RHNO1: variants seen among roughly 807,000 people sequenced by gnomAD.
RHNO1 encodes the protein RAD9-HUS1-RAD1 interacting nuclear orphan 1, also known as RAD9, HUS1, RAD1-interacting nuclear orphan protein 1.
In RHNO1, 9 loss-of-function variants were observed where a neutral mutation model predicts 7.2. The ratio of observed to expected loss-of-function variants is 1.25; its 90% CI spans 0.75 to 2.18. RHNO1 has a LOEUF of 2.18. Among genes scored for constraint, RHNO1 ranks in the 30% most tolerant of loss-of-function variants. The probability of loss-of-function intolerance (pLI) is 0.00; values close to 1 mark genes in which losing one functional copy is unlikely to be tolerated. For synonymous variants in RHNO1, 95 were observed against 107.5 expected, an observed-to-expected ratio of 0.88 and a Z score of 0.72; for missense variants, 292 against 284.5, an observed-to-expected ratio of 1.03 and a Z score of -0.19.
chr12:2,881,923 A>G (rs1441808249), intron 1 of RHNO1, among the ~76,000 whole-genome samples: 2 of 151,748 alleles, frequency 1.3e-5, no homozygotes, highest in East Asian at 1.9e-4. Flanking sequence ...AAAAGAAAGA[A>G]AAAAAGAGAA....
chr12:2,886,489 A>G (rs1183228667), intron 2 of RHNO1, among the ~76,000 whole-genome samples: 1 of 151,936 alleles, frequency 6.6e-6, no homozygotes, highest in African/African-American at 2.4e-5. Context: ...CATCTTTACT[A>G]AAAATATTAA....
intron 1 of RHNO1, among the ~76,000 whole-genome samples, chr12:2,880,374 T>G (rs2098155866): frequency 6.6e-6 from 1 of 151,728 alleles, no homozygotes; most frequent in African/African-American, 2.4e-5. Context: ...CCCAGCACTT[T>G]GGGAGGCCGA....
rs147840657 is a variant in RHNO1 at position 2,888,202 on chromosome 12, C to G, written c.460C>G (p.Pro154Ala). ...TCAGAGCTTACCTTATGTGTTCATT[C>G]CACCTGATATCCAGACCCCAGAGTC... is the stretch of plus-strand genomic sequence containing the variant. Reference protein sequence around the residue: ...ALQSLPYVFIPPDIQTPESSS... With the variant: ...ALQSLPYVFIAPDIQTPESSS... Residue 154 changes from proline (P) to alanine (A), a missense_variant, in exon 3 of 3, where the codon CCA (proline) becomes GCA (alanine). Physicochemically the swap from Pro to Ala is conservative, Grantham distance 27. Coordinates refer to ENST00000489288, the MANE Select transcript of RHNO1 (RefSeq NM_001252499.3). 1.9e-3 allele frequency: 3,097 copies of G among 1,614,072 alleles called. 6 individuals are homozygous for G. The highest frequency in any genetic ancestry group is 2.4e-3 in the Non-Finnish European group (2,817 of 1,179,994).
At chr12:2,883,976 G>A (rs890930202) in intron 1 of RHNO1, among the ~76,000 whole-genome samples, 13 of 152,022 alleles carry the variant, frequency 8.6e-5, no homozygotes, top group Non-Finnish European at 2.9e-5. Context: ...ATTATCTGGA[G>A]TGAAAAATTT....
chr12:2,889,462 C>G lies in RHNO1; in HGVS notation c.*1003C>G, dbSNP rs899575137. 1 of 152,060 alleles carries G rather than the reference C, an allele frequency of 6.6e-6. No homozygotes were observed. The highest frequency in any genetic ancestry group is 1.9e-4 in the East Asian group (1 of 5,188). The allele number at this position is 152,060 out of a possible 1,614,324, so 9.4% of individuals were successfully genotyped here. On this transcript the variant is annotated 3_prime_UTR_variant, in exon 3 of 3. Transcript: ENST00000489288. ...ATGCAGAAGGACTTCCCCAGTCAAC[C>G]GAATGTCTCGGCCTTTTACTCAGAC... is the stretch of plus-strand genomic sequence containing the variant.
chr12:2,887,007 C>G (rs2098166338), intron 2 of RHNO1: 1 of 455,772 alleles, frequency 2.2e-6, no homozygotes, highest in Non-Finnish European at 4.4e-6. Context: ...GAATCAAGAA[C>G]AAGACCACTG....
At chr12:2,877,727 C>T (rs898416884) in intron 1 of RHNO1, among the ~76,000 whole-genome samples, 1 of 152,158 alleles carries the variant, frequency 6.6e-6, no homozygotes, top group Non-Finnish European at 1.5e-5. Context: ...TATAATAGAC[C>T]GTAGTGCTTT....
At chr12:2,885,905 AGAATG>A (rs2098165122) in intron 2 of RHNO1, 1 of 81,110 alleles carries the variant, frequency 1.2e-5, no homozygotes, top group Non-Finnish European at 2.3e-5. Flanking sequence ...TAGGTTTTCC[AGAATG>A]CTGACTCTTC....
Position 2,885,285 on chromosome 12 carries a change from A to T in RHNO1, c.-82A>T. ...CAGCTTTTGTTTCTTCTCTACAGGC[A>T]TGGGTTGGAATTGGAGCCTATCCCC... is the stretch of plus-strand genomic sequence containing the variant. On this transcript the variant is annotated splice_region_variant and 5_prime_UTR_variant, in exon 2 of 3. The change abolishes an upstream ATG in the 5' untranslated region. Coordinates refer to ENST00000489288, the MANE Select transcript of RHNO1 (RefSeq NM_001252499.3). 1 of 1,211,666 alleles carries T rather than the reference A, an allele frequency of 8.3e-7. No homozygotes were observed. Among genetic ancestry groups the T allele is most frequent in the South Asian group, 1.4e-5 (1 of 69,276 alleles). The allele number at this position is 1,211,666 out of a possible 1,614,324, so 75.1% of individuals were successfully genotyped here.
chr12:2,882,367 A>T (rs1001658277), intron 1 of RHNO1, among the ~76,000 whole-genome samples: 2 of 151,704 alleles, frequency 1.3e-5, no homozygotes, highest in Admixed American at 1.3e-4. Context: ...CGGGTTGGAG[A>T]TGGGGGTGGA....
In RHNO1 at chr12:2,888,042, A is replaced by G. The variant is rs371098389; in HGVS notation, c.300A>G (p.Gln100=). ...KFPHLTFESP[Q]SSSSETLGIP... ...CACATCTAACTTTTGAGAGTCCGCAATCTTCCAGTTCAGAGACATTGGGGA... is the reference window on the plus strand; with the variant it reads ...CACATCTAACTTTTGAGAGTCCGCAGTCTTCCAGTTCAGAGACATTGGGGA... The change falls in exon 3 of 3, where the codon CAA becomes CAG. Residue 100 remains glutamine (Q), a synonymous_variant. Transcript: ENST00000489288. 4.3e-6 allele frequency: 7 copies of G among 1,614,034 alleles called. No individual in the cohort carries two copies. The highest frequency in any genetic ancestry group is 4.0e-5 in the African/African-American group (3 of 74,904).
intron 1 of RHNO1, among the ~76,000 whole-genome samples, chr12:2,882,742 GGTTGA>G (rs978554283): frequency 2.3e-4 from 35 of 151,992 alleles, no homozygotes; most frequent in African/African-American, 7.5e-4. Flanking sequence ...CAGGTCAAGG[GGTTGA>G]GTTGACTGTT....
Position 2,888,532 on chromosome 12 carries a change from T to A in RHNO1, c.*73T>A. 1 of 1,348,706 alleles carries A rather than the reference T, an allele frequency of 7.4e-7. No homozygotes were observed. The highest frequency in any genetic ancestry group is 9.9e-7 in the Non-Finnish European group (1 of 1,011,372). The allele number at this position is 1,348,706 out of a possible 1,614,324, so 83.5% of individuals were successfully genotyped here. The stretch of plus-strand genomic sequence containing the variant: ...TAAAGGAATTCAATTCCTAGGGTTT[T>A]TGTTTTTGTTTTTGAGATGTAATAT... On this transcript the variant is annotated 3_prime_UTR_variant, in exon 3 of 3. Coordinates refer to ENST00000489288, the MANE Select transcript of RHNO1 (RefSeq NM_001252499.3).
intron 1 of RHNO1, among the ~76,000 whole-genome samples, chr12:2,883,509 ATATTTTTTTTTTTTT>A (rs2098161518): frequency 4.1e-5 from 1 of 24,232 alleles, no homozygotes; most frequent in African/African-American, 2.8e-4. Flanking sequence ...ATATATATAT[ATATTTTTTTTTTTTT>A]TTTTTTTTTT....
chr12:2,886,382 G>A (rs1266602581), intron 2 of RHNO1: 1 of 152,406 alleles, frequency 6.6e-6, no homozygotes, highest in Non-Finnish European at 1.5e-5. Flanking sequence ...CGGGTGTGGT[G>A]GCTCATGTTT....
chr12:2,883,453 A>C (rs2098160820), intron 1 of RHNO1, among the ~76,000 whole-genome samples: 1 of 135,034 alleles, frequency 7.4e-6, no homozygotes, highest in Non-Finnish European at 1.6e-5. Flanking sequence ...ATATTTGTTT[A>C]GTCATATTAA....
intron 1 of RHNO1, among the ~76,000 whole-genome samples, chr12:2,883,010 T>C (rs1427892771): frequency 6.9e-6 from 1 of 144,730 alleles, no homozygotes; most frequent in African/African-American, 2.6e-5. Context: ...GAGGCTGCAA[T>C]GATCCATGAT....
At chr12:2,877,207 C>T (rs1372861087), upstream of RHNO1, 1 of 152,266 alleles carries the variant, frequency 6.6e-6, no homozygotes, top group Non-Finnish European at 1.5e-5. Context: ...CCAATCGGCG[C>T]CGGCCTTGTC....
chr12:2,885,188 C>T (rs1233774958), intron 1 of RHNO1, 95 bp from the exon 2 acceptor site: 13 of 597,654 alleles, frequency 2.2e-5, no homozygotes, highest in Non-Finnish European at 3.8e-5. Flanking sequence ...TCCCCAAAGC[C>T]TTGAAGTTTA....
Sources: gnomAD v4.1 joint callset for allele counts (sites outside exome capture counted in the v4.1 genomes callset) on GRCh38, gnomAD v4.1.1 for gene constraint, MANE v1.5 for transcripts, NCBI Gene and HGNC (gene_info 2026-07-23, HGNC 2026-07-21) for gene names.